SERPINI2: variants seen among roughly 807,000 people sequenced by gnomAD.
SERPINI2 encodes the protein serpin I2.
A neutral mutation model predicts 47.3 loss-of-function variants in SERPINI2; 48 were observed. The ratio of observed to expected loss-of-function variants is 1.02; its 90% confidence interval spans 0.81 to 1.29. The LOEUF (loss-of-function observed/expected upper bound fraction) is 1.29. SERPINI2 is among the 50% of genes most tolerant of loss of function. The pLI, the probability that SERPINI2 is intolerant of heterozygous loss-of-function variation, is 0.00. For missense variants in SERPINI2, 448 were observed against 456.9 expected, an observed-to-expected ratio of 0.98 and a Z score of 0.18; for synonymous variants, 135 against 149.3, an observed-to-expected ratio of 0.90 and a Z score of 0.70.
intron 5 of SERPINI2, 34 bp downstream of exon 5, chr3:167,465,172 G>A (rs754798269): frequency 9.0e-6 from 14 of 1,554,440 alleles, no homozygotes; most frequent in East Asian, 6.8e-5. Context: ...GAGTGGAAAC[G>A]TAAGAACTCG....
intron 1 of SERPINI2, among the ~76,000 whole-genome samples, chr3:167,472,655 G>A (rs1750368183): frequency 6.6e-6 from 1 of 151,746 alleles, no homozygotes; most frequent in Non-Finnish European, 1.5e-5. Flanking sequence ...TAATATCAAA[G>A]AATTGACAGA....
intron 5 of SERPINI2, among the ~76,000 whole-genome samples, chr3:167,455,603 AAAAGAAAAGAAAAG>A (rs1380553278): frequency 3.4e-5 from 5 of 148,292 alleles, no homozygotes; most frequent in South Asian, 2.1e-4. Flanking sequence ...CAAAAAAAAA[AAAAGAAAAGAAAAG>A]AAAAGAAAAG....
chr3:167,458,768 T>G (rs1749889506), intron 5 of SERPINI2, among the ~76,000 whole-genome samples: 1 of 152,232 alleles, frequency 6.6e-6, no homozygotes, highest in African/African-American at 2.4e-5. Flanking sequence ...CGAGAGCTGA[T>G]CCTTCTCTGT....
At chr3:167,459,236 G>A (rs1749911434) in intron 5 of SERPINI2, among the ~76,000 whole-genome samples, 1 of 151,748 alleles carries the variant, frequency 6.6e-6, no homozygotes, top group South Asian at 2.1e-4. Context: ...CACTATGCCC[G>A]GCTAATTTTT....
intron 2 of SERPINI2, among the ~76,000 whole-genome samples, chr3:167,468,747 A>AT (rs1639782721): frequency 6.6e-6 from 1 of 152,168 alleles, no homozygotes; most frequent in Non-Finnish European, 1.5e-5. Context: ...AGATGTAACC[A>AT]TTTATTGCTA....
chr3:167,471,811 A>G (rs1211814664), exon 2 of SERPINI2: 2 of 1,611,276 alleles, frequency 1.2e-6, no homozygotes, highest in African/African-American at 1.3e-5. Flanking sequence ...GCAATAGAAG[A>G]CTCCACAAGA....
intron 6 of SERPINI2, among the ~76,000 whole-genome samples, chr3:167,450,151 ATGTACTTGCCTTCAAATC>A (rs1316106311): frequency 1.3e-5 from 2 of 152,352 alleles, no homozygotes; most frequent in East Asian, 3.9e-4. Context: ...TTAAAATAAA[ATGTACTTGCCTTCAAATC>A]TGGGGAAGCT....
chr3:167,459,228 C>G (rs1056824624), intron 5 of SERPINI2, among the ~76,000 whole-genome samples: 1 of 151,958 alleles, frequency 6.6e-6, no homozygotes, highest in South Asian at 2.1e-4. Context: ...GCGCCCGCCA[C>G]TATGCCCGGC....
intron 8 of SERPINI2, among the ~76,000 whole-genome samples, chr3:167,443,734 T>G (rs1286621509): frequency 6.6e-6 from 1 of 152,174 alleles, no homozygotes; most frequent in Non-Finnish European, 1.5e-5. Context: ...AAGGGTAGAA[T>G]GTTACATAAA....
intron 7 of SERPINI2, among the ~76,000 whole-genome samples, chr3:167,447,574 A>G (rs895885699): frequency 2.2e-4 from 34 of 152,212 alleles, no homozygotes; most frequent in African/African-American, 8.0e-4. Flanking sequence ...GGGCAATAAC[A>G]TAAAGAGCTC....
chr3:167,473,777 G>A (rs1750406197), intron 1 of SERPINI2: 3 of 1,468,878 alleles, frequency 2.0e-6, no homozygotes, highest in Non-Finnish European at 2.7e-6. Flanking sequence ...AAAGCACAAA[G>A]TAATGCTGAA....
intron 5 of SERPINI2, among the ~76,000 whole-genome samples, chr3:167,453,434 T>C (rs1225544477): frequency 6.6e-6 from 1 of 152,200 alleles, no homozygotes; most frequent in Non-Finnish European, 1.5e-5. Context: ...CATGACATGA[T>C]GAGCAGGGAA....
At chr3:167,458,339 C>T (rs1218606101) in intron 5 of SERPINI2, among the ~76,000 whole-genome samples, 3 of 150,440 alleles carry the variant, frequency 2.0e-5, no homozygotes, top group Non-Finnish European at 4.4e-5. Flanking sequence ...CAAGCTCCGC[C>T]TCCCAGGTTC....
At chr3:167,473,796 C>T (rs1310752911) in intron 1 of SERPINI2, 7 of 1,448,262 alleles carry the variant, frequency 4.8e-6, no homozygotes, top group Non-Finnish European at 5.4e-6. Flanking sequence ...AACTAAACAA[C>T]CTGATGAATA....
chr3:167,457,313 A>G (rs1749821783), intron 5 of SERPINI2, among the ~76,000 whole-genome samples: 1 of 152,224 alleles, frequency 6.6e-6, no homozygotes, highest in Non-Finnish European at 1.5e-5. Flanking sequence ...TTGGAAGTAT[A>G]TCCTAGACCT....
chr3:167,444,249 A>G (rs761303015), intron 8 of SERPINI2, among the ~76,000 whole-genome samples: 3 of 152,196 alleles, frequency 2.0e-5, no homozygotes, highest in African/African-American at 4.8e-5. Flanking sequence ...AAGTTGGCCT[A>G]CATCCCCAAC....
intron 7 of SERPINI2, chr3:167,447,066 T>C (rs1198240882): frequency 6.6e-6 from 1 of 152,170 alleles, no homozygotes; most frequent in African/African-American, 2.4e-5. Context: ...GTTGCTCCAT[T>C]ACAGTATTTG....
At chr3:167,453,690 C>T (rs1749708807) in intron 5 of SERPINI2, among the ~76,000 whole-genome samples, 1 of 151,176 alleles carries the variant, frequency 6.6e-6, no homozygotes, top group South Asian at 2.1e-4. Context: ...AGGAGGTAGC[C>T]ACTGCTTCCA....
At chr3:167,448,863 A>G (rs1749559890) in intron 7 of SERPINI2, among the ~76,000 whole-genome samples, 2 of 152,168 alleles carry the variant, frequency 1.3e-5, no homozygotes, top group African/African-American at 4.8e-5. Flanking sequence ...GGTGATTTTT[A>G]TGTGCAGGTT....
Sources: gnomAD v4.1 joint callset for allele counts (sites outside exome capture counted in the v4.1 genomes callset) on GRCh38, gnomAD v4.1.1 for gene constraint, MANE v1.5 for transcripts, NCBI Gene and HGNC (gene_info 2026-07-23, HGNC 2026-07-21) for gene names.